The following EML1 variants were observed in gnomAD, a reference collection of about 807,000 sequenced individuals.
EML1 encodes the protein EMAP like 1.
Under a neutral mutation model 110.4 loss-of-function variants are expected in EML1, and 27 were observed. That is an observed-to-expected ratio of 0.24 (90% confidence interval 0.18 to 0.34). The LOEUF (loss-of-function observed/expected upper bound fraction) is 0.34. Ranked by LOEUF, EML1 falls within the 10% of genes least tolerant of loss-of-function variation. EML1 has a pLI of 1.00. For synonymous variants in EML1, 344 were observed against 385.8 expected, an observed-to-expected ratio of 0.89 and a Z score of 1.27; for missense variants, 741 against 1,030.9, an observed-to-expected ratio of 0.72 and a Z score of 3.85.
At chr14:99,737,896 C>T (rs571891068) in intron 1 of EML1, 15 of 1,286,346 alleles carry the variant, frequency 1.2e-5, no homozygotes, top group Middle Eastern at 2.2e-4. Context: ...GCTGTGGCTC[C>T]GGTTGCAGAG....
intron 1 of EML1, among the ~76,000 whole-genome samples, chr14:99,739,889 A>G (rs1293197846): frequency 6.6e-6 from 1 of 152,106 alleles, no homozygotes; most frequent in Non-Finnish European, 1.5e-5. Context: ...GGCAGTGGGA[A>G]CATTCTCAGC....
chr14:99,771,094 A>G (rs2057423892), upstream of EML1, among the ~76,000 whole-genome samples: 1 of 152,112 alleles, frequency 6.6e-6, no homozygotes. Flanking sequence ...TCCCACTGAT[A>G]TTATAATGAT....
chr14:99,817,576 C>T lies in EML1; in HGVS notation c.67+24033C>T, dbSNP rs887658348. 7.9e-5 allele frequency among the ~76,000 whole-genome samples: 12 copies of T among 152,268 alleles called. No individual in the cohort carries two copies. In the East Asian group the frequency reaches 2.3e-3, roughly 29 times the overall value. On this transcript the variant is annotated intron_variant, in intron 1 of 21. Coordinates refer to ENST00000262233, the MANE Select transcript of EML1 (RefSeq NM_004434.3). Reference sequence around the variant, plus strand: ...AATTAGAGCTTGGCATTGTTAAGGACGTAATTCTGACCTCAGGGACTTCCT... The same window carrying T: ...AATTAGAGCTTGGCATTGTTAAGGATGTAATTCTGACCTCAGGGACTTCCT...
At chr14:99,932,854 C>T (rs1250551306) in intron 17 of EML1, among the ~76,000 whole-genome samples, 1 of 152,030 alleles carries the variant, frequency 6.6e-6, no homozygotes, top group Non-Finnish European at 1.5e-5. Context: ...CACAGTGGCT[C>T]ACACCTGTAA....
At chr14:99,938,246 G>T (rs1488837941) in intron 20 of EML1, among the ~76,000 whole-genome samples, 1 of 152,150 alleles carries the variant, frequency 6.6e-6, no homozygotes, top group Non-Finnish European at 1.5e-5. Flanking sequence ...TACCATTTGT[G>T]AGGGTTATTA....
At chr14:99,762,937 G>T (rs955205634) in intron 1 of EML1, among the ~76,000 whole-genome samples, 20 of 152,182 alleles carry the variant, frequency 1.3e-4, no homozygotes, top group African/African-American at 4.3e-4. Context: ...CCCTACGTAT[G>T]TGTGTGATAT....
rs1033907364 is a variant in EML1 at position 99,863,132 on chromosome 14, C to T, written c.251-2382C>T. On this transcript the variant is annotated intron_variant, in intron 2 of 21. Transcript: ENST00000262233. The stretch of plus-strand genomic sequence containing the variant: ...CATCCTTTTATGTAATTGTTCCATC[C>T]TGATGTTCCTGTGTAGTGGTTTCAG... Among the ~76,000 whole-genome samples, 11 of 152,296 alleles carry T rather than the reference C, an allele frequency of 7.2e-5. No homozygotes were observed. The East Asian group carries it at 2.1e-3, about 29-fold the overall frequency.
At chr14:99,762,251 C>A (rs2057322175) in intron 1 of EML1, among the ~76,000 whole-genome samples, 1 of 151,754 alleles carries the variant, frequency 6.6e-6, no homozygotes, top group Admixed American at 6.6e-5. Context: ...TCATAAACTT[C>A]AAAAAAAATT....
chr14:99,793,598 C>A, intron 1 of EML1, 55 bp downstream of exon 1: 1 of 987,022 alleles, frequency 1.0e-6, no homozygotes, highest in Non-Finnish European at 1.2e-6. Flanking sequence ...CGGGCGGCGG[C>A]GACGGCGACG....
intron 1 of EML1, among the ~76,000 whole-genome samples, chr14:99,804,435 G>C (rs964861609): frequency 6.6e-6 from 1 of 152,134 alleles, no homozygotes; most frequent in African/African-American, 2.4e-5. Flanking sequence ...CTTTTGAAGT[G>C]GGTCCTATTA....
intron 1 of EML1, among the ~76,000 whole-genome samples, chr14:99,838,857 TC>T (rs2058581261): frequency 6.7e-6 from 1 of 149,746 alleles, no homozygotes; most frequent in Non-Finnish European, 1.5e-5. Flanking sequence ...AGTGCCCAGG[TC>T]TTTTAGTTTC....
intron 1 of EML1, among the ~76,000 whole-genome samples, chr14:99,754,950 C>T (rs911594803): frequency 2.6e-5 from 4 of 152,158 alleles, no homozygotes; most frequent in African/African-American, 7.2e-5. Flanking sequence ...GACAGGTGGC[C>T]GTGAGGAAAA....
chr14:99,803,045 G>C (rs2057911118), intron 1 of EML1, among the ~76,000 whole-genome samples: 1 of 152,076 alleles, frequency 6.6e-6, no homozygotes, highest in South Asian at 2.1e-4. Context: ...TATCCCAGAG[G>C]CCTGTCACGG....
At chr14:99,876,879 A>T (rs1341812240) in intron 3 of EML1, among the ~76,000 whole-genome samples, 1 of 152,190 alleles carries the variant, frequency 6.6e-6, no homozygotes, top group African/African-American at 2.4e-5. Flanking sequence ...TTCATTTAAT[A>T]AATGTGTACC....
chr14:99,870,690 C>T lies in EML1; in HGVS notation c.383+5044C>T, dbSNP rs561677806. Among the ~76,000 whole-genome samples the T allele has an allele frequency of 3.9e-5, 6 of 152,278 alleles. No homozygotes were observed. In the South Asian group the frequency reaches 1.0e-3, roughly 26 times the overall value. ...CTTAAGAATGATGCTAAATCTCTGC[C>T]TGTGCTCTATAAATGGAAGAAAACC... On this transcript the variant is annotated intron_variant, in intron 3 of 21. Transcript: ENST00000262233.
chr14:99,820,959 G>A (rs1173257938), intron 1 of EML1, among the ~76,000 whole-genome samples: 2 of 151,792 alleles, frequency 1.3e-5, no homozygotes, highest in Non-Finnish European at 2.9e-5. Flanking sequence ...AATTGCATTT[G>A]AAGGTTCAAG....
chr14:99,820,323 C>T (rs547419864), intron 1 of EML1, among the ~76,000 whole-genome samples: 114 of 152,296 alleles, frequency 7.5e-4, no homozygotes, highest in African/African-American at 2.4e-3. Context: ...TAATCAGTGA[C>T]GGTGTAGCCT....
At chr14:99,808,406 A>G (rs570689934) in intron 1 of EML1, among the ~76,000 whole-genome samples, 21 of 152,338 alleles carry the variant, frequency 1.4e-4, no homozygotes, top group Non-Finnish European at 2.4e-4. Flanking sequence ...CTTTTCAGTA[A>G]TACCAGAAAC....
In EML1 at chr14:99,776,247, T is replaced by C. The variant is rs572224677; in HGVS notation, c.-27+2234T>C. On this transcript the variant is annotated intron_variant, in intron 1 of 22. Coordinates refer to the EML1 transcript ENST00000327921. ...CAGGTGCGGTGGCTCATGCCTGTAA[T>C]CCCAGAACTTGGGGAGGCCAAATCA... Among the ~76,000 whole-genome samples, 4 of 152,250 alleles carry C rather than the reference T, an allele frequency of 2.6e-5. No homozygotes were observed. In the East Asian group the frequency reaches 7.7e-4, roughly 29 times the overall value.
Sources: allele counts gnomAD v4.1 joint callset (sites outside exome capture counted in the v4.1 genomes callset), GRCh38; gene constraint gnomAD v4.1.1; transcripts MANE v1.5; gene names NCBI Gene and HGNC (gene_info 2026-07-23, HGNC 2026-07-21).